Variants in ARHGAP17 observed in about 807,000 individuals in gnomAD.
The protein encoded by ARHGAP17 is Rho GTPase activating protein 17.
ARHGAP17 carries 57 observed loss-of-function variants against 99.5 expected under a neutral mutation model. The ratio of observed to expected loss-of-function variants is 0.57; its 90% CI spans 0.46 to 0.71. ARHGAP17 has a LOEUF of 0.71. Among genes scored for constraint, ARHGAP17 ranks in the 30% least tolerant of loss-of-function variants. ARHGAP17 has a pLI of 0.00. For synonymous variants in ARHGAP17, 417 were observed against 429.6 expected (o/e 0.97, Z 0.36); for missense variants, 1,000 against 1,122.4 (o/e 0.89, Z 1.56).
In ARHGAP17 at chr16:24,930,957, C is replaced by G. The variant is rs1333909885; in HGVS notation, c.2342G>C (p.Gly781Ala). 1 of 1,613,894 alleles carries G rather than the reference C, an allele frequency of 6.2e-7. No individual in the cohort carries two copies. The highest frequency in any genetic ancestry group is 8.5e-7 in the Non-Finnish European group (1 of 1,179,978). The change falls in exon 19 of 20, where the codon GGG becomes GCG. Residue 781 changes from glycine to alanine, a missense_variant. Gly to Ala is a moderately conservative substitution (Grantham distance 60, BLOSUM62 0). Around this residue, in one of 2 missense-constraint regions of ARHGAP17, gnomAD observed 528 missense variants for 511.4 expected, o/e 1.03. Transcript: ENST00000289968. Reference sequence around the variant, plus strand: ...TGGCTGTGCAGTTTCAGGGTTACCCCCTGCCAGGGTCTGAGGAGCTGGCAG... The same window carrying G: ...TGGCTGTGCAGTTTCAGGGTTACCCGCTGCCAGGGTCTGAGGAGCTGGCAG... ...PSLPAPQTLA[G>A]GNPETAQPHA... is the part of the protein sequence containing the mutation.
intron 4 of ARHGAP17, among the ~76,000 whole-genome samples, chr16:24,969,362 G>GT (rs1301044334): frequency 1.3e-5 from 2 of 152,010 alleles, no homozygotes; most frequent in South Asian, 2.1e-4. Flanking sequence ...TCTCTATGGG[G>GT]TTTTTTTGAC....
chr16:24,925,804 T>C (rs1487474414), intron 19 of ARHGAP17, among the ~76,000 whole-genome samples: 1 of 152,018 alleles, frequency 6.6e-6, no homozygotes, highest in African/African-American at 2.4e-5. Context: ...CTCCTTGCCT[T>C]CTAGAAAAAC....
intron 1 of ARHGAP17, among the ~76,000 whole-genome samples, chr16:24,998,973 T>C (rs1261000088): frequency 6.6e-6 from 1 of 152,084 alleles, no homozygotes; most frequent in Non-Finnish European, 1.5e-5. Flanking sequence ...GTGAAGACCT[T>C]TGAGGTGCTT....
chr16:24,930,002 C>G (rs905067404), intron 19 of ARHGAP17, among the ~76,000 whole-genome samples: 1 of 152,170 alleles, frequency 6.6e-6, no homozygotes, highest in African/African-American at 2.4e-5. Context: ...TAAAAACACA[C>G]TAGAAACCCC....
At chr16:24,966,735 G>A (rs995811335) in intron 6 of ARHGAP17, among the ~76,000 whole-genome samples, 1 of 152,128 alleles carries the variant, frequency 6.6e-6, no homozygotes, top group African/African-American at 2.4e-5. Context: ...AGTGAGCTAT[G>A]ATCACACCGC....
intron 14 of ARHGAP17, among the ~76,000 whole-genome samples, chr16:24,946,655 T>C (rs1422345095): frequency 2.0e-5 from 3 of 152,088 alleles, no homozygotes; most frequent in East Asian, 3.8e-4. Context: ...TAAACTCCCA[T>C]GTGAAGGATG....
intron 17 of ARHGAP17, among the ~76,000 whole-genome samples, 172 bp downstream of exon 17, chr16:24,939,192 G>A (rs931427263): frequency 2.0e-5 from 3 of 152,212 alleles, no homozygotes; most frequent in African/African-American, 7.2e-5. Flanking sequence ...AAAAAGAAGC[G>A]AGCCATTCAT....
chr16:24,952,394 G>C (rs780915598), intron 11 of ARHGAP17, 24 bp from the exon 12 acceptor site: 7 of 1,584,526 alleles, frequency 4.4e-6, no homozygotes, highest in Non-Finnish European at 6.0e-6. Flanking sequence ...CACTCTCTTT[G>C]AGTATGAAAA....
intron 10 of ARHGAP17, among the ~76,000 whole-genome samples, chr16:24,953,968 A>C (rs2051725856): frequency 6.6e-6 from 1 of 152,080 alleles, no homozygotes; most frequent in Admixed American, 6.5e-5. Flanking sequence ...TCATGCAAGC[A>C]CATCAAGCTG....
chr16:24,965,021 A>T (rs1449697408), intron 6 of ARHGAP17, among the ~76,000 whole-genome samples: 4 of 152,198 alleles, frequency 2.6e-5, no homozygotes, highest in Non-Finnish European at 4.4e-5. Context: ...AAGAAACTAT[A>T]GTAATAATAG....
intron 1 of ARHGAP17, among the ~76,000 whole-genome samples, chr16:25,010,375 A>G (rs569476188): frequency 3.5e-4 from 53 of 152,220 alleles, no homozygotes; most frequent in African/African-American, 1.2e-3. Context: ...CACCCCACCC[A>G]GCCAGGTTTC....
chr16:24,947,685 T>A, intron 13 of ARHGAP17, 90 bp from the exon 14 acceptor site: 1 of 1,079,768 alleles, frequency 9.3e-7, no homozygotes, highest in Non-Finnish European at 1.4e-6. Flanking sequence ...CCCAGTTTGC[T>A]CAGGTGCTAA....
At chr16:24,980,147 A>C (rs1356019959) in intron 1 of ARHGAP17, among the ~76,000 whole-genome samples, 2 of 152,284 alleles carry the variant, frequency 1.3e-5, no homozygotes, top group Non-Finnish European at 2.9e-5. Flanking sequence ...ATGCAAGAGC[A>C]GGAAAAGCTC....
chr16:24,937,468 C>A (rs2051173468), intron 17 of ARHGAP17, among the ~76,000 whole-genome samples: 1 of 151,898 alleles, frequency 6.6e-6, no homozygotes, highest in Non-Finnish European at 1.5e-5. Context: ...AAAAACAAAA[C>A]CAAGAAAAAG....
rs2052617222 is a variant in ARHGAP17 at position 24,979,693 on chromosome 16, A to G, written c.54-688T>C. On this transcript the variant is annotated intron_variant, in intron 1 of 19. Transcript: ENST00000289968. ...GCGGAGTCTCAACTGTCAGACCATA[A>G]TAATTTTTATTTTATTATTATTATT... 2.0e-5 allele frequency among the ~76,000 whole-genome samples: 3 copies of G among 149,288 alleles called. No individual in the cohort carries two copies. The South Asian group carries it at 6.2e-4, about 31-fold the overall frequency.
At chr16:25,006,984 C>T (rs944067042) in intron 1 of ARHGAP17, among the ~76,000 whole-genome samples, 1 of 152,136 alleles carries the variant, frequency 6.6e-6, no homozygotes, top group Non-Finnish European at 1.5e-5. Flanking sequence ...GAAAGGAGAT[C>T]GAGGACATTT....
intron 1 of ARHGAP17, among the ~76,000 whole-genome samples, chr16:24,998,484 A>G (rs1347523306): frequency 6.6e-6 from 1 of 152,076 alleles, no homozygotes; most frequent in Admixed American, 6.5e-5. Context: ...CACTGGGGAA[A>G]GGTGGCCATG....
intron 19 of ARHGAP17, chr16:24,930,576 A>T: frequency 1.1e-6 from 1 of 902,488 alleles, no homozygotes; most frequent in Non-Finnish European, 1.8e-6. Context: ...TTTCAGCACC[A>T]ATGCAGCCAC....
At chr16:24,961,813 T>C (rs1567233023) in intron 7 of ARHGAP17, among the ~76,000 whole-genome samples, 1 of 150,670 alleles carries the variant, frequency 6.6e-6, no homozygotes, top group Non-Finnish European at 1.5e-5. Flanking sequence ...GGATTACAGA[T>C]GTGAGCCACT....
Sources: allele counts gnomAD v4.1 joint callset (sites outside exome capture counted in the v4.1 genomes callset), GRCh38; gene constraint gnomAD v4.1.1; regional missense constraint gnomAD v4.1.1; transcripts MANE v1.5; gene names NCBI Gene and HGNC (gene_info 2026-07-23, HGNC 2026-07-21).